PXDNL: variants seen among roughly 807,000 people sequenced by gnomAD.
PXDNL encodes probable oxidoreductase PXDNL.
In PXDNL, 145 loss-of-function variants were observed where a neutral mutation model predicts 150.8. The ratio of observed to expected loss-of-function variants is 0.96; its 90% CI spans 0.84 to 1.10. PXDNL has a LOEUF of 1.10. Among genes scored for constraint, PXDNL ranks in the 50% least tolerant of loss-of-function variants. PXDNL has a pLI of 0.00. For synonymous variants in PXDNL, 757 were observed against 725.7 expected (o/e 1.04, Z -0.69); for missense variants, 2,087 against 1,873.9 (o/e 1.11, Z -2.10).
intron 1 of PXDNL, among the ~76,000 whole-genome samples, chr8:51,736,503 G>A (rs903467893): frequency 1.3e-5 from 2 of 152,188 alleles, no homozygotes; most frequent in African/African-American, 4.8e-5. Context: ...TCACTAACCA[G>A]TGTTATTCTG....
intron 1 of PXDNL, among the ~76,000 whole-genome samples, chr8:51,754,844 T>C (rs2130983559): frequency 6.6e-6 from 1 of 152,152 alleles, no homozygotes; most frequent in South Asian, 2.1e-4. Flanking sequence ...TAACAAGTAG[T>C]TTTTAGAGAA....
chr8:51,349,171 GT>G (rs57276686), intron 19 of PXDNL, among the ~76,000 whole-genome samples: 76,075 of 128,394 alleles, frequency 0.59, 22,001 homozygotes, highest in East Asian at 0.76. Flanking sequence ...GGGTGTGTGT[GT>G]GGGGGTGTGT....
chr8:51,392,722 AC>A (rs1331765695), intron 17 of PXDNL, among the ~76,000 whole-genome samples: 1 of 152,122 alleles, frequency 6.6e-6, no homozygotes, highest in African/African-American at 2.4e-5. Context: ...CTAATTGAAT[AC>A]CCTTTATTTC....
intron 4 of PXDNL, among the ~76,000 whole-genome samples, chr8:51,534,392 G>A (rs1174974693): frequency 2.8e-5 from 4 of 144,916 alleles, no homozygotes; most frequent in African/African-American, 5.3e-5. Context: ...CGCCCAGTCC[G>A]GGAGGTGAGG....
intron 1 of PXDNL, among the ~76,000 whole-genome samples, chr8:51,804,246 T>C (rs959232395): frequency 4.6e-5 from 7 of 152,212 alleles, no homozygotes; most frequent in African/African-American, 1.7e-4. Context: ...TTACATTCTT[T>C]TGAGTTTCTG....
At chr8:51,619,095 T>C (rs1337303519) in intron 2 of PXDNL, among the ~76,000 whole-genome samples, 1 of 152,194 alleles carries the variant, frequency 6.6e-6, no homozygotes, top group Non-Finnish European at 1.5e-5. Context: ...TCTGACCTGC[T>C]CTTCTGTCTC....
At chr8:51,435,329 A>T (rs1317524183) in intron 12 of PXDNL, among the ~76,000 whole-genome samples, 28 of 144,624 alleles carry the variant, frequency 1.9e-4, no homozygotes, top group East Asian at 2.0e-4. Flanking sequence ...TCAAAAAACT[A>T]AAAAAAAAAA....
At chr8:51,716,834 G>A (rs1816624596) in intron 1 of PXDNL, among the ~76,000 whole-genome samples, 2 of 152,208 alleles carry the variant, frequency 1.3e-5, no homozygotes, top group Admixed American at 6.5e-5. Context: ...GCCCTTCATA[G>A]CAAGCAAGGG....
intron 1 of PXDNL, among the ~76,000 whole-genome samples, chr8:51,672,706 G>C (rs1401733417): frequency 6.6e-6 from 1 of 151,924 alleles, no homozygotes; most frequent in Non-Finnish European, 1.5e-5. Context: ...AAATAACTGT[G>C]GGACTTAATT....
chr8:51,415,131 CCATG>C (rs2129657920), intron 14 of PXDNL, among the ~76,000 whole-genome samples: 1 of 152,072 alleles, frequency 6.6e-6, no homozygotes, highest in South Asian at 2.1e-4. Context: ...AATTTCAATC[CCATG>C]CATATATGCA....
chr8:51,452,670 G>C (rs547166197), intron 10 of PXDNL, among the ~76,000 whole-genome samples: 59 of 152,242 alleles, frequency 3.9e-4, no homozygotes, highest in South Asian at 1.7e-3. Flanking sequence ...GTTTCACACG[G>C]TTCAGTGTTT....
At chr8:51,727,431 T>C (rs563389641) in intron 1 of PXDNL, among the ~76,000 whole-genome samples, 20 of 152,298 alleles carry the variant, frequency 1.3e-4, no homozygotes, top group African/African-American at 4.6e-4. Flanking sequence ...TGCAAAATAC[T>C]ATAAAAACAT....
At chr8:51,369,699 T>G (rs968565463) in intron 19 of PXDNL, among the ~76,000 whole-genome samples, 3 of 151,786 alleles carry the variant, frequency 2.0e-5, no homozygotes, top group Admixed American at 2.0e-4. Flanking sequence ...GGAGTAGATG[T>G]TTACTGCTGG....
chr8:51,486,559 C>A (rs1035668463), intron 5 of PXDNL, among the ~76,000 whole-genome samples: 1 of 151,508 alleles, frequency 6.6e-6, no homozygotes, highest in Admixed American at 6.6e-5. Flanking sequence ...ACTGTTCCAG[C>A]AGTACTGATT....
intron 6 of PXDNL, among the ~76,000 whole-genome samples, chr8:51,478,706 A>T (rs1810535133): frequency 1.3e-5 from 2 of 152,200 alleles, no homozygotes; most frequent in South Asian, 4.1e-4. Flanking sequence ...GACACTCCTC[A>T]GTTGAAAAAC....
At chr8:51,532,156 G>C (rs903475264) in intron 4 of PXDNL, among the ~76,000 whole-genome samples, 1 of 152,166 alleles carries the variant, frequency 6.6e-6, no homozygotes, top group Non-Finnish European at 1.5e-5. Context: ...AATAGCCTTC[G>C]CATTAGAGGC....
chr8:51,454,236 C>T (rs1809877548), intron 9 of PXDNL, among the ~76,000 whole-genome samples: 1 of 152,114 alleles, frequency 6.6e-6, no homozygotes, highest in Non-Finnish European at 1.5e-5. Context: ...TTACAGGAGC[C>T]ACTTTGTGAT....
At chr8:51,751,906 C>T (rs1043402488) in intron 1 of PXDNL, among the ~76,000 whole-genome samples, 2 of 152,104 alleles carry the variant, frequency 1.3e-5, no homozygotes, top group African/African-American at 4.8e-5. Context: ...CCGGAACAAA[C>T]TGAGGGTTGG....
chr8:51,374,658 C>A lies in PXDNL; in HGVS notation c.3631G>T (p.Val1211Leu). ...AACAGGCACATAAGTGTTGGTCCCA[C>A]TCTTGTACCAGGAATCAGGTCTTCA... ...MVEDLIPGTRVGPTLMCLFVT... is the reference protein window; with the variant it reads ...MVEDLIPGTRLGPTLMCLFVT... The change falls in exon 18 of 23, where the codon GTG (valine) becomes TTG (leucine). Residue 1211 changes from valine (V) to leucine (L), a missense_variant. Transcript: ENST00000356297. 1 of 1,613,916 alleles carries A rather than the reference C, an allele frequency of 6.2e-7. No individual in the cohort carries two copies. The highest frequency in any genetic ancestry group is 1.1e-5 in the South Asian group (1 of 91,070).
Sources: gnomAD v4.1 joint callset for allele counts (sites outside exome capture counted in the v4.1 genomes callset) on GRCh38, gnomAD v4.1.1 for gene constraint, MANE v1.5 for transcripts, NCBI Gene and HGNC (gene_info 2026-07-23, HGNC 2026-07-21) for gene names.